The following OPHN1 variants were observed in gnomAD, a reference collection of about 807,000 sequenced individuals.
OPHN1 encodes the protein oligophrenin-1.
In OPHN1, 11 loss-of-function variants were observed where a neutral mutation model predicts 60.7. That is an observed-to-expected ratio of 0.18 (90% CI 0.11 to 0.30). The LOEUF (loss-of-function observed/expected upper bound fraction) is 0.30. OPHN1 is among the 10% of genes least tolerant of loss of function. The probability of loss-of-function intolerance (pLI) is 1.00; values close to 1 mark genes in which losing one functional copy is unlikely to be tolerated. For missense variants in OPHN1, 449 were observed against 611.0 expected (o/e 0.73, Z 2.80); for synonymous variants, 226 against 222.6 (o/e 1.02, Z -0.14).
At chrX:68,428,779 T>A (rs2078871792) in intron 2 of OPHN1, among the ~76,000 whole-genome samples, 1 of 111,975 alleles carries the variant, frequency 8.9e-6, no homozygotes, top group Non-Finnish European at 1.9e-5. Flanking sequence ...GCTACCAATA[T>A]AAAAATAAAG....
chrX:68,287,086 AGGAG>A (rs2078044716), intron 3 of OPHN1, among the ~76,000 whole-genome samples: 1 of 101,015 alleles, frequency 9.9e-6, no homozygotes, highest in Non-Finnish European at 2.0e-5. Flanking sequence ...GAAGGAAGGA[AGGAG>A]AAAGAAAAAG....
chrX:68,058,457 G>A (rs2147354204), intron 21 of OPHN1, among the ~76,000 whole-genome samples: 1 of 111,978 alleles, frequency 8.9e-6, no homozygotes, highest in African/African-American at 3.2e-5. Context: ...GGGTAGGATT[G>A]TCAGAAGGCT....
chrX:68,367,603 G>A (rs936131271), intron 2 of OPHN1, among the ~76,000 whole-genome samples: 1 of 111,220 alleles, frequency 9.0e-6, no homozygotes, highest in Non-Finnish European at 1.9e-5. Flanking sequence ...CCTGATTCCA[G>A]AGGGAATAGA....
chrX:68,180,480 A>G (rs1437656990), intron 15 of OPHN1, among the ~76,000 whole-genome samples: 14 of 112,096 alleles, frequency 1.2e-4, no homozygotes, highest in African/African-American at 4.5e-4. Context: ...TAAGAATGAT[A>G]TGGCTACTAA....
intron 6 of OPHN1, among the ~76,000 whole-genome samples, chrX:68,218,544 C>T (rs971533798): frequency 6.4e-5 from 7 of 109,911 alleles, no homozygotes; most frequent in Non-Finnish European, 1.1e-4. Context: ...GTCGGGTTAC[C>T]CTCAAAGGGA....
At chrX:68,278,905 AT>A (rs59589210) in intron 4 of OPHN1, among the ~76,000 whole-genome samples, 16 of 108,517 alleles carry the variant, frequency 1.5e-4, no homozygotes, top group East Asian at 1.2e-3. Flanking sequence ...AATAAAAAAA[AT>A]TTTTTTTTAA....
In OPHN1 at chrX:68,274,823, A is replaced by T. The variant is rs2077985281; in HGVS notation, c.313-14T>A. 1.7e-6 allele frequency: 2 copies of T among 1,143,053 alleles called. No homozygotes were observed. The highest frequency in any genetic ancestry group is 3.6e-5 in the African/African-American group (2 of 56,116). The allele number at this position is 1,143,053 out of a possible 1,213,427, so 94.2% of individuals were successfully genotyped here. On this transcript the variant is annotated splice_polypyrimidine_tract_variant and intron_variant, in intron 4 of 24. Transcript: ENST00000355520. ...AGCATTGTGTACCTAGACAAAAAGG[A>T]AAAACAAACAAAACAATTTCTAGGT...
intron 19 of OPHN1, among the ~76,000 whole-genome samples, chrX:68,082,887 A>C (rs2076979241): frequency 9.0e-6 from 1 of 110,769 alleles, no homozygotes. Flanking sequence ...TTTCATGTAC[A>C]CTGAAAATGT....
intron 2 of OPHN1, among the ~76,000 whole-genome samples, chrX:68,413,860 A>G (rs897175405): frequency 1.8e-5 from 2 of 112,041 alleles, no homozygotes; most frequent in Admixed American, 9.5e-5. Context: ...TTTAGGTACA[A>G]GCAAATCACC....
At chrX:68,333,944 G>A (rs1031584343) in intron 2 of OPHN1, among the ~76,000 whole-genome samples, 6 of 101,439 alleles carry the variant, frequency 5.9e-5, no homozygotes, top group Admixed American at 5.7e-4. Context: ...CTGTCCCCAC[G>A]CTGGAATGCA....
At chrX:68,142,689 C>A (rs1204698742) in intron 15 of OPHN1, among the ~76,000 whole-genome samples, 1 of 112,073 alleles carries the variant, frequency 8.9e-6, no homozygotes, top group Non-Finnish European at 1.9e-5. Flanking sequence ...GGATTATTTG[C>A]AACAATATTG....
intron 20 of OPHN1, among the ~76,000 whole-genome samples, chrX:68,066,907 C>A (rs2076915034): frequency 8.9e-6 from 1 of 111,891 alleles, no homozygotes; most frequent in East Asian, 2.8e-4. Flanking sequence ...AACCAGCCAC[C>A]CATTTCTACA....
chrX:68,224,902 G>T (rs1157162796), intron 6 of OPHN1, among the ~76,000 whole-genome samples: 1 of 112,174 alleles, frequency 8.9e-6, no homozygotes, highest in African/African-American at 3.2e-5. Flanking sequence ...CCCACAGAGT[G>T]TCAGCCGAAG....
chrX:68,076,587 A>G (rs1014170113), intron 19 of OPHN1, among the ~76,000 whole-genome samples: 1 of 111,939 alleles, frequency 8.9e-6, no homozygotes, highest in African/African-American at 3.2e-5. Context: ...GTACAATGAT[A>G]CAGTTACTTA....
intron 15 of OPHN1, among the ~76,000 whole-genome samples, chrX:68,119,784 T>C (rs1178616896): frequency 9.0e-6 from 1 of 111,151 alleles, no homozygotes; most frequent in Non-Finnish European, 1.9e-5. Context: ...AAAACTCCAA[T>C]AGGGCCCAGT....
chrX:68,260,245 T>C (rs956213179), intron 5 of OPHN1, among the ~76,000 whole-genome samples: 1 of 109,997 alleles, frequency 9.1e-6, no homozygotes, highest in Non-Finnish European at 1.9e-5. Context: ...TTTATAGAAA[T>C]GGACTCATAT....
intron 2 of OPHN1, among the ~76,000 whole-genome samples, chrX:68,351,687 G>T (rs1206453477): frequency 9.1e-6 from 1 of 110,284 alleles, no homozygotes; most frequent in Non-Finnish European, 1.9e-5. Context: ...TGGTTTTCTG[G>T]TTTTTTGTTG....
intron 24 of OPHN1, among the ~76,000 whole-genome samples, chrX:68,047,610 A>C (rs750837461): frequency 5.4e-5 from 6 of 111,586 alleles, no homozygotes; most frequent in Admixed American, 1.9e-4. Flanking sequence ...TAGGGAGCAC[A>C]TGAAAAGCCA....
intron 5 of OPHN1, among the ~76,000 whole-genome samples, chrX:68,254,784 C>T (rs954114959): frequency 9.1e-6 from 1 of 109,790 alleles, no homozygotes; most frequent in East Asian, 2.9e-4. Flanking sequence ...TGGGAAGCCT[C>T]GGCTTCCCAA....
Sources: allele counts gnomAD v4.1 joint callset (sites outside exome capture counted in the v4.1 genomes callset), GRCh38; gene constraint gnomAD v4.1.1; transcripts MANE v1.5; gene names NCBI Gene and HGNC (gene_info 2026-07-23, HGNC 2026-07-21).